The following MACC1 variants were observed in gnomAD, a reference collection of about 807,000 sequenced individuals.
The protein encoded by MACC1 is metastasis-associated in colon cancer protein 1.
MACC1 carries 79 observed loss-of-function variants against 70.7 expected under a neutral mutation model. The ratio of observed to expected loss-of-function variants is 1.12; its 90% CI spans 0.93 to 1.35. The LOEUF is 1.35. Ranked by LOEUF, MACC1 falls within the 40% of genes most tolerant of loss-of-function variation. The probability of loss-of-function intolerance (pLI) is 0.00; values close to 1 mark genes in which losing one functional copy is unlikely to be tolerated. For synonymous variants in MACC1, 361 were observed against 347.2 expected (o/e 1.04, Z -0.44); for missense variants, 1,106 against 978.1 (o/e 1.13, Z -1.74).
At chr7:20,143,597 G>T (rs982920880) in intron 6 of MACC1, among the ~76,000 whole-genome samples, 1 of 151,658 alleles carries the variant, frequency 6.6e-6, no homozygotes, top group South Asian at 2.1e-4. Flanking sequence ...CACCACCTTG[G>T]CCAGGATGGT....
rs1188592472 is a variant in MACC1 at position 20,138,631 on chromosome 7, A to T, written c.*2315T>A. Reference sequence around the variant, plus strand: ...AATGTGTATACATAATTATTTGGTCAGGCTGTGTTCCCTTATAATCAAATA... The same window carrying T: ...AATGTGTATACATAATTATTTGGTCTGGCTGTGTTCCCTTATAATCAAATA... On this transcript the variant is annotated 3_prime_UTR_variant, in exon 7 of 7. Coordinates refer to ENST00000400331, the MANE Select transcript of MACC1 (RefSeq NM_182762.4). 1 of 151,908 alleles carries T rather than the reference A, an allele frequency of 6.6e-6. No homozygotes were observed. Among genetic ancestry groups the T allele is most frequent in the Non-Finnish European group, 1.5e-5 (1 of 68,008 alleles). The allele number at this position is 151,908 out of a possible 1,614,324, so 9.4% of individuals were successfully genotyped here.
chr7:20,150,870 A>G (rs1781965581), intron 6 of MACC1, among the ~76,000 whole-genome samples: 1 of 152,116 alleles, frequency 6.6e-6, no homozygotes, highest in South Asian at 2.1e-4. Context: ...AACATGGTGA[A>G]ACACCCATCT....
chr7:20,152,991 T>C (rs1397581474), intron 6 of MACC1, among the ~76,000 whole-genome samples: 1 of 152,238 alleles, frequency 6.6e-6, no homozygotes, highest in Non-Finnish European at 1.5e-5. Flanking sequence ...CATCTCATTC[T>C]GTAAACACTT....
intron 6 of MACC1, among the ~76,000 whole-genome samples, chr7:20,147,918 C>T (rs1353414855): frequency 6.6e-6 from 1 of 152,188 alleles, no homozygotes; most frequent in Admixed American, 6.5e-5. Flanking sequence ...TCCTCATCAT[C>T]ACTGCCACCC....
chr7:20,153,612 A>G (rs1234950049), intron 6 of MACC1: 4 of 152,186 alleles, frequency 2.6e-5, no homozygotes, highest in African/African-American at 9.6e-5. Flanking sequence ...CAATATTTTC[A>G]TGGTAAATAT....
At chr7:20,188,144 C>T (rs762042588) in intron 1 of MACC1, among the ~76,000 whole-genome samples, 4 of 152,164 alleles carry the variant, frequency 2.6e-5, no homozygotes, top group Non-Finnish European at 5.9e-5. Context: ...ACAGGAAAAA[C>T]CATCCCCATG....
At chr7:20,182,203 A>T (rs1171841591) in intron 1 of MACC1, among the ~76,000 whole-genome samples, 2 of 79,144 alleles carry the variant, frequency 2.5e-5, no homozygotes, top group African/African-American at 9.7e-5. Flanking sequence ...GGGTGGGGGG[A>T]GGGTGGAGGG....
intron 1 of MACC1, among the ~76,000 whole-genome samples, chr7:20,177,189 T>C (rs1420623429): frequency 6.6e-6 from 1 of 152,092 alleles, no homozygotes; most frequent in Non-Finnish European, 1.5e-5. Context: ...CTATGATTAG[T>C]TTAAAATAAA....
chr7:20,209,600 T>C (rs1295553632), intron 1 of MACC1, among the ~76,000 whole-genome samples: 1 of 152,222 alleles, frequency 6.6e-6, no homozygotes, highest in Non-Finnish European at 1.5e-5. Context: ...TACAGACTCA[T>C]AGGGAGAAGG....
chr7:20,160,500 C>G (rs553377684), intron 4 of MACC1, among the ~76,000 whole-genome samples: 1 of 152,122 alleles, frequency 6.6e-6, no homozygotes, highest in East Asian at 1.9e-4. Flanking sequence ...GATTTATAAA[C>G]TAAACAAATA....
intron 5 of MACC1, among the ~76,000 whole-genome samples, chr7:20,155,960 A>G (rs998953691): frequency 6.6e-6 from 1 of 152,200 alleles, no homozygotes; most frequent in East Asian, 1.9e-4. Context: ...TGCATCACAC[A>G]GTATCTCTAT....
At chr7:20,154,499 T>A in intron 5 of MACC1, 118 bp from the exon 6 acceptor site, 1 of 1,024,788 alleles carries the variant, frequency 9.8e-7, no homozygotes, top group Non-Finnish European at 1.4e-6. Flanking sequence ...ACTACACGTA[T>A]AATCGAGTTT....
chr7:20,146,634 T>C (rs905232254), intron 6 of MACC1, among the ~76,000 whole-genome samples: 7 of 152,196 alleles, frequency 4.6e-5, no homozygotes, highest in African/African-American at 1.7e-4. Flanking sequence ...TCTTCCAGAT[T>C]TATGTTGTCT....
chr7:20,196,370 C>T (rs953411436), intron 1 of MACC1, among the ~76,000 whole-genome samples: 8 of 151,870 alleles, frequency 5.3e-5, no homozygotes, highest in South Asian at 2.1e-4. Context: ...TTAGTAGAGA[C>T]GGGGTTTCAC....
rs1327140362 is a variant in MACC1 at position 20,136,829 on chromosome 7, A to C, written c.*4117T>G. Reference sequence around the variant, plus strand: ...GATTATTATTAATTCTTAAAGATTAAGATTATTATTAATTATTAATTGTAA... The same window carrying C: ...GATTATTATTAATTCTTAAAGATTACGATTATTATTAATTATTAATTGTAA... On this transcript the variant is annotated 3_prime_UTR_variant, in exon 7 of 7. Transcript: ENST00000400331. The C allele has an allele frequency of 6.7e-6, 1 of 150,064 alleles. No individual in the cohort carries two copies. The highest frequency in any genetic ancestry group is 1.5e-5 in the Non-Finnish European group (1 of 67,590). 9.3% of individuals were successfully genotyped at this position (150,064 alleles called of 1,614,324 possible).
intron 1 of MACC1, among the ~76,000 whole-genome samples, chr7:20,172,468 T>A (rs970646638): frequency 1.6e-4 from 25 of 152,174 alleles, no homozygotes; most frequent in African/African-American, 5.8e-4. Context: ...AAATAAAATA[T>A]ATAAATATAT....
At chr7:20,194,516 G>A (rs1214219107) in intron 1 of MACC1, among the ~76,000 whole-genome samples, 1 of 152,148 alleles carries the variant, frequency 6.6e-6, no homozygotes, top group Non-Finnish European at 1.5e-5. Context: ...CTCCTTTCAT[G>A]GTACCCTTAA....
At chr7:20,186,591 G>A (rs1011393696) in intron 1 of MACC1, among the ~76,000 whole-genome samples, 4 of 151,618 alleles carry the variant, frequency 2.6e-5, no homozygotes, top group Admixed American at 2.6e-4. Flanking sequence ...AATACTATGT[G>A]GAAACTGTGA....
At chr7:20,165,918 A>G (rs1378497675) in intron 2 of MACC1, among the ~76,000 whole-genome samples, 1 of 152,226 alleles carries the variant, frequency 6.6e-6, no homozygotes, top group East Asian at 1.9e-4. Context: ...CTAAGCAACT[A>G]GAAACATTTA....
Sources: gnomAD v4.1 joint callset for allele counts (sites outside exome capture counted in the v4.1 genomes callset) on GRCh38, gnomAD v4.1.1 for gene constraint, MANE v1.5 for transcripts, NCBI Gene and HGNC (gene_info 2026-07-23, HGNC 2026-07-21) for gene names.